Variants in FSTL5 observed in about 807,000 individuals in gnomAD.
FSTL5 encodes follistatin like 5, also known as follistatin-related protein 5.
Under a neutral mutation model 89.1 loss-of-function variants are expected in FSTL5, and 62 were observed. The observed-to-expected ratio is 0.70, with a 90% confidence interval of 0.57 to 0.86. The LOEUF is 0.86. Among genes scored for constraint, FSTL5 ranks in the 40% least tolerant of loss-of-function variants. The pLI, the probability that FSTL5 is intolerant of heterozygous loss-of-function variation, is 0.00. For missense variants in FSTL5, 1,057 were observed against 1,001.6 expected (o/e 1.06, Z -0.75); for synonymous variants, 383 against 346.2 (o/e 1.11, Z -1.18).
intron 8 of FSTL5, among the ~76,000 whole-genome samples, chr4:161,546,367 G>C (rs1347850923): frequency 6.9e-6 from 1 of 144,060 alleles, no homozygotes; most frequent in East Asian, 2.4e-4. Flanking sequence ...GATATTCTCA[G>C]TTCTGTGTAA....
intron 13 of FSTL5, among the ~76,000 whole-genome samples, chr4:161,461,781 T>C (rs2126415711): frequency 6.6e-6 from 1 of 152,272 alleles, no homozygotes; most frequent in East Asian, 1.9e-4. Flanking sequence ...GCCATAAGAT[T>C]CCTTTGATTT....
intron 5 of FSTL5, among the ~76,000 whole-genome samples, chr4:161,767,195 T>C (rs568241731): frequency 6.6e-6 from 1 of 152,324 alleles, no homozygotes; most frequent in East Asian, 1.9e-4. Context: ...TCAAAAAGAA[T>C]ATGCCCATAC....
chr4:161,999,015 G>A (rs1176586894), intron 3 of FSTL5, among the ~76,000 whole-genome samples: 1 of 152,050 alleles, frequency 6.6e-6, no homozygotes, highest in Non-Finnish European at 1.5e-5. Context: ...GGTCTAATAA[G>A]GCTTGTCTAA....
intron 10 of FSTL5, among the ~76,000 whole-genome samples, chr4:161,521,584 C>T (rs1301273395): frequency 2.0e-5 from 3 of 152,100 alleles, no homozygotes; most frequent in Non-Finnish European, 1.5e-5. Context: ...CGCGGTGGCT[C>T]ATGCCTCTAA....
At chr4:162,067,413 T>C (rs1283244898) in intron 2 of FSTL5, among the ~76,000 whole-genome samples, 1 of 152,096 alleles carries the variant, frequency 6.6e-6, no homozygotes, top group African/African-American at 2.4e-5. Context: ...ATTCCATGTT[T>C]TTGCTATTGT....
At chr4:161,805,885 T>C (rs1261091247) in intron 4 of FSTL5, among the ~76,000 whole-genome samples, 2 of 152,116 alleles carry the variant, frequency 1.3e-5, no homozygotes, top group Non-Finnish European at 1.5e-5. Context: ...TGTCCAAAAA[T>C]ATTACATACA....
chr4:161,857,818 C>T (rs1470209219), intron 4 of FSTL5, among the ~76,000 whole-genome samples: 5 of 151,882 alleles, frequency 3.3e-5, no homozygotes, highest in Admixed American at 3.3e-4. Context: ...TTCCCCAGTC[C>T]TTGATTTGGG....
At chr4:162,033,357 C>T (rs1018454051) in intron 3 of FSTL5, among the ~76,000 whole-genome samples, 1 of 152,026 alleles carries the variant, frequency 6.6e-6, no homozygotes, top group Non-Finnish European at 1.5e-5. Context: ...TGGAGGAGTT[C>T]AACCACCACA....
chr4:162,063,697 T>C (rs896282615), intron 2 of FSTL5, among the ~76,000 whole-genome samples: 1 of 151,982 alleles, frequency 6.6e-6, no homozygotes, highest in Non-Finnish European at 1.5e-5. Flanking sequence ...CCTTAGAAAT[T>C]CAATTTTTGT....
intron 2 of FSTL5, among the ~76,000 whole-genome samples, chr4:162,078,298 TAGATA>T (rs772600837): frequency 2.0e-5 from 3 of 151,896 alleles, no homozygotes; most frequent in Non-Finnish European, 4.4e-5. Context: ...AAATCATTTT[TAGATA>T]AGATAAGTGG....
chr4:161,924,002 C>T (rs1488245014), intron 3 of FSTL5, among the ~76,000 whole-genome samples: 1 of 151,676 alleles, frequency 6.6e-6, no homozygotes, highest in South Asian at 2.1e-4. Context: ...TTATCCATGA[C>T]TAATGCCGAA....
In FSTL5 at chr4:161,678,380, A is replaced by T. The variant is rs1273966081; in HGVS notation, c.728-21886T>A. ...TGACATTTTTGCTTAGAGAAATGAG[A>T]CAAAAGAAGAGTGAAATAATCTTTT... On this transcript the variant is annotated intron_variant, in intron 6 of 15. Transcript: ENST00000306100. Among the ~76,000 whole-genome samples, 3 of 151,886 alleles carry T rather than the reference A, an allele frequency of 2.0e-5. No individual in the cohort carries two copies. In the East Asian group the frequency reaches 5.8e-4, roughly 29 times the overall value.
At chr4:161,852,166 A>T (rs1336768339) in intron 4 of FSTL5, among the ~76,000 whole-genome samples, 4 of 98,260 alleles carry the variant, frequency 4.1e-5, no homozygotes, top group East Asian at 5.8e-4. Context: ...CTCTTTCAAC[A>T]TAGGTAGATA....
intron 2 of FSTL5, among the ~76,000 whole-genome samples, chr4:162,051,860 T>A (rs1738388739): frequency 6.6e-6 from 1 of 151,260 alleles, no homozygotes; most frequent in Non-Finnish European, 1.5e-5. Context: ...TTAATTATCA[T>A]GAAACAAGAA....
intron 1 of FSTL5, among the ~76,000 whole-genome samples, chr4:162,153,787 A>G (rs1341212238): frequency 8.2e-6 from 1 of 121,866 alleles, no homozygotes; most frequent in Non-Finnish European, 1.9e-5. Flanking sequence ...GTATACATAT[A>G]TATGTATATG....
At position 161,641,769 on chromosome 4, in the gene FSTL5, C is replaced by T. The variant is rs199919409; in HGVS notation, c.894+14559G>A. The stretch of plus-strand genomic sequence containing the variant: ...CCTCCCAAAATGCTGGGATTACAGG[C>T]ATGAGCCACCGCACCTGGCCCAAAT... On this transcript the variant is annotated intron_variant, in intron 7 of 15. Transcript: ENST00000306100. Among the ~76,000 whole-genome samples, 8 of 152,198 alleles carry T rather than the reference C, an allele frequency of 5.3e-5. No individual in the cohort carries two copies. The East Asian group carries it at 1.5e-3, about 29-fold the overall frequency.
At chr4:162,053,812 A>T (rs1016310480) in intron 2 of FSTL5, among the ~76,000 whole-genome samples, 4 of 151,818 alleles carry the variant, frequency 2.6e-5, no homozygotes, top group Non-Finnish European at 4.4e-5. Context: ...AAAAGTGAAC[A>T]TTCTTATAAA....
At chr4:161,513,966 G>A (rs1730735409) in intron 10 of FSTL5, among the ~76,000 whole-genome samples, 1 of 151,974 alleles carries the variant, frequency 6.6e-6, no homozygotes, top group Non-Finnish European at 1.5e-5. Context: ...ATCTGAACAT[G>A]AACCCCTGAA....
intron 2 of FSTL5, among the ~76,000 whole-genome samples, chr4:162,057,980 T>C (rs1308067827): frequency 6.6e-6 from 1 of 152,004 alleles, no homozygotes; most frequent in Non-Finnish European, 1.5e-5. Flanking sequence ...AATTCTGGGG[T>C]ACTGGACAAC....
Sources: allele counts gnomAD v4.1 joint callset (sites outside exome capture counted in the v4.1 genomes callset), GRCh38; gene constraint gnomAD v4.1.1; transcripts MANE v1.5; gene names NCBI Gene and HGNC (gene_info 2026-07-23, HGNC 2026-07-21).